The following CREBBP variants were observed in gnomAD, a reference collection of about 807,000 sequenced individuals.
The protein encoded by CREBBP is CREB binding lysine acetyltransferase.
Under a neutral mutation model 265.0 loss-of-function variants are expected in CREBBP, and 19 were observed. That is an observed-to-expected ratio of 0.07 (90% CI 0.05 to 0.11). CREBBP has a LOEUF of 0.11. CREBBP is among the 10% of genes least tolerant of loss of function. The pLI is 1.00. For synonymous variants in CREBBP, 1,457 were observed against 1,223.7 expected (o/e 1.19, Z -3.98); for missense variants, 2,525 against 3,219.0 (o/e 0.78, Z 5.22).
At chr16:3,737,226 T>A (rs1382673835) in intron 26 of CREBBP, among the ~76,000 whole-genome samples, 1 of 150,014 alleles carries the variant, frequency 6.7e-6, no homozygotes, top group Admixed American at 6.6e-5. Flanking sequence ...GACACTTTGA[T>A]CAAATGCCCC....
At chr16:3,796,545 C>T (rs2053612558) in intron 3 of CREBBP, among the ~76,000 whole-genome samples, 1 of 152,102 alleles carries the variant, frequency 6.6e-6, no homozygotes, top group Non-Finnish European at 1.5e-5. Flanking sequence ...CACCACCACG[C>T]CTGGCTACTT....
rs372291994 is a variant in CREBBP, at chr16:3,769,165, G to A, written c.3060+9C>T. 101 of 1,613,846 alleles carry A rather than the reference G, an allele frequency of 6.3e-5. No individual in the cohort carries two copies. The highest frequency in any genetic ancestry group is 7.8e-5 in the Non-Finnish European group (92 of 1,180,026). On this transcript the variant is annotated intron_variant, in intron 15 of 30. Transcript: ENST00000262367. ...CGCAGTCAATGCATTCCTAGGGAGC[G>A]GCACCCACCTCAGACCTGGGCTCCC...
At position 3,850,255 on chromosome 16, in the gene CREBBP, G is replaced by A. The variant is rs778638456; in HGVS notation, c.798+42C>T. The A allele has an allele frequency of 1.4e-5, 23 of 1,606,416 alleles. No individual in the cohort carries two copies. In the Admixed American group the frequency reaches 2.0e-4, roughly 14 times the overall value. On this transcript the variant is annotated intron_variant, in intron 2 of 30. Coordinates refer to ENST00000262367, the MANE Select transcript of CREBBP (RefSeq NM_004380.3). ...TACGCATTACTCGGAGGGAAAGCCC[G>A]CGGTTAGGTAGGAAGTATTGAAAGT...
chr16:3,849,891 T>G (rs1232484457), intron 2 of CREBBP, among the ~76,000 whole-genome samples: 1 of 152,046 alleles, frequency 6.6e-6, no homozygotes, highest in Non-Finnish European at 1.5e-5. Context: ...GGGAGTGAGC[T>G]GACAACCCTG....
chr16:3,876,586 T>C (rs1400346933), intron 1 of CREBBP, among the ~76,000 whole-genome samples: 2 of 151,798 alleles, frequency 1.3e-5, no homozygotes, highest in East Asian at 1.9e-4. Context: ...TATATACCGG[T>C]AATATAAAGT....
intron 2 of CREBBP, among the ~76,000 whole-genome samples, chr16:3,836,205 G>C (rs1178810078): frequency 1.3e-5 from 2 of 151,906 alleles, no homozygotes; most frequent in African/African-American, 4.8e-5. Flanking sequence ...GGAGGCTGAG[G>C]TGGGCGGATC....
At chr16:3,828,293 T>C (rs897508113) in intron 2 of CREBBP, among the ~76,000 whole-genome samples, 1 of 152,182 alleles carries the variant, frequency 6.6e-6, no homozygotes, top group Non-Finnish European at 1.5e-5. Context: ...GGTTTCTCCA[T>C]GTTGGTCAGG....
chr16:3,788,556 T>C (rs2053438575), intron 5 of CREBBP, among the ~76,000 whole-genome samples: 2 of 152,188 alleles, frequency 1.3e-5, no homozygotes, highest in South Asian at 4.1e-4. Flanking sequence ...AAGATACTTA[T>C]CTTGGCAAGT....
At chr16:3,853,183 T>G (rs529795336) in intron 1 of CREBBP, among the ~76,000 whole-genome samples, 1 of 152,240 alleles carries the variant, frequency 6.6e-6, no homozygotes, top group African/African-American at 2.4e-5. Flanking sequence ...AACGCTGTTG[T>G]GAGGACCAAA....
intron 2 of CREBBP, among the ~76,000 whole-genome samples, chr16:3,847,353 T>C (rs554402530): frequency 8.2e-4 from 125 of 152,316 alleles, no homozygotes; most frequent in African/African-American, 3.0e-3. Flanking sequence ...AAAAAGCGCC[T>C]TTTCCCTGTG....
intron 2 of CREBBP, among the ~76,000 whole-genome samples, chr16:3,814,189 G>GTGTGTT (rs1555489914): frequency 2.0e-5 from 3 of 149,274 alleles, no homozygotes; most frequent in Admixed American, 6.6e-5. Context: ...GTGTGTGTGT[G>GTGTGTT]TGTGTGTTTG....
chr16:3,728,494 T>C lies in CREBBP; in HGVS notation c.6553A>G (p.Met2185Val), dbSNP rs1327686926. The change falls in exon 31 of 31, where the codon ATG (methionine) becomes GTG (valine). Residue 2185 changes from methionine (M) to valine (V), a missense_variant. Coordinates refer to ENST00000262367, the MANE Select transcript of CREBBP (RefSeq NM_004380.3). This position sits in a 1 kb window ranked among gnomAD's most constrained non-coding sequence, Gnocchi z 8.7. ...NPGHNPNMAS[M>V]NPQYREMLRR... ...AACATTTCTCGGTACTGTGGATTCA[T>C]ACTCGCCATGTTGGGGTTGTGTCCT... 1.2e-6 allele frequency: 2 copies of C among 1,614,038 alleles called. No individual in the cohort carries two copies. The highest frequency in any genetic ancestry group is 1.7e-6 in the Non-Finnish European group (2 of 1,179,996).
intron 21 of CREBBP, among the ~76,000 whole-genome samples, chr16:3,748,943 C>G (rs917973984): frequency 6.6e-6 from 1 of 152,212 alleles, no homozygotes. Context: ...GTCAGGAGAT[C>G]GAGACCATCC....
At chr16:3,851,153 T>C (rs992163228) in intron 1 of CREBBP, 144 bp from the exon 2 acceptor site, 1 of 736,650 alleles carries the variant, frequency 1.4e-6, no homozygotes, top group Non-Finnish European at 2.3e-6. Flanking sequence ...CTGGGTGTGG[T>C]AGCGCATGCC....
chr16:3,849,247 T>C (rs1415053972), intron 2 of CREBBP, among the ~76,000 whole-genome samples: 2 of 152,004 alleles, frequency 1.3e-5, no homozygotes, highest in African/African-American at 4.8e-5. Flanking sequence ...CCTGGGCTTT[T>C]CCAGCTGTCT....
At chr16:3,749,907 T>C (rs756453032) in intron 20 of CREBBP, among the ~76,000 whole-genome samples, 17 of 152,168 alleles carry the variant, frequency 1.1e-4, no homozygotes, top group Non-Finnish European at 2.2e-4. Flanking sequence ...TTCTTTTCCT[T>C]CTGTTTTTTC....
rs2051716082 is a variant in CREBBP at position 3,725,382 on chromosome 16, T to C, written c.*2336A>G. 4.3e-6 allele frequency: 1 copy of C among 233,150 alleles called. No homozygotes were observed. Among genetic ancestry groups the C allele is most frequent in the African/African-American group, 2.2e-5 (1 of 45,354 alleles). 14.4% of individuals were successfully genotyped at this position (233,150 alleles called of 1,614,324 possible). On this transcript the variant is annotated 3_prime_UTR_variant, in exon 31 of 31. Transcript: ENST00000262367. ...ACAGAGGCCCCTCCACTGCCCACAT[T>C]AAAAGGCTGCACAACCAGGAGGGCG... is the stretch of plus-strand genomic sequence containing the variant.
At chr16:3,806,353 C>T (rs2053829931) in intron 3 of CREBBP, among the ~76,000 whole-genome samples, 1 of 151,956 alleles carries the variant, frequency 6.6e-6, no homozygotes, top group African/African-American at 2.4e-5. Context: ...TCAGTCACAA[C>T]AAATCGTAAC....
chr16:3,866,224 C>G (rs1013833260), intron 1 of CREBBP, among the ~76,000 whole-genome samples: 1 of 151,944 alleles, frequency 6.6e-6, no homozygotes, highest in African/African-American at 2.4e-5. Context: ...CATTTTGTAC[C>G]CAACGCTCAC....
Sources: gnomAD v4.1 joint callset for allele counts (sites outside exome capture counted in the v4.1 genomes callset) on GRCh38, gnomAD v4.1.1 for gene constraint, Gnocchi (gnomAD v3.1) non-coding constraint, MANE v1.5 for transcripts, NCBI Gene and HGNC (gene_info 2026-07-23, HGNC 2026-07-21) for gene names.